The following NTM variants were observed in gnomAD, a reference collection of about 807,000 sequenced individuals.
NTM encodes the protein neurotrimin.
A neutral mutation model predicts 42.1 loss-of-function variants in NTM; 13 were observed. The observed-to-expected ratio is 0.31, with a 90% CI of 0.20 to 0.49. The LOEUF is 0.49. NTM is among the 20% of genes least tolerant of loss of function. The probability of loss-of-function intolerance (pLI) is 0.99; values close to 1 mark genes in which losing one functional copy is unlikely to be tolerated. For missense variants in NTM, 373 were observed against 452.8 expected (o/e 0.82, Z 1.60); for synonymous variants, 187 against 179.2 (o/e 1.04, Z -0.35).
chr11:132,140,168 A>G (rs1227868448), intron 2 of NTM, among the ~76,000 whole-genome samples: 3 of 152,186 alleles, frequency 2.0e-5, no homozygotes, highest in Admixed American at 6.5e-5. Flanking sequence ...GAGGGGCATC[A>G]GGAACAGAGC....
intron 1 of NTM, among the ~76,000 whole-genome samples, chr11:131,510,980 G>T (rs1410136101): frequency 6.6e-6 from 1 of 152,196 alleles, no homozygotes; most frequent in Non-Finnish European, 1.5e-5. Flanking sequence ...TCCTAACCTT[G>T]GTTCTGCCTC....
intron 1 of NTM, among the ~76,000 whole-genome samples, chr11:131,877,434 T>C (rs1407825581): frequency 6.6e-6 from 1 of 152,118 alleles, no homozygotes; most frequent in Admixed American, 6.5e-5. Context: ...TCAAAAGAAT[T>C]CTTAGGAAGA....
At chr11:132,320,820 T>C (rs2095547242) in intron 7 of NTM, among the ~76,000 whole-genome samples, 1 of 151,550 alleles carries the variant, frequency 6.6e-6, no homozygotes, top group African/African-American at 2.4e-5. Context: ...AGTACGCAGC[T>C]GGAGATCTGA....
intron 1 of NTM, among the ~76,000 whole-genome samples, chr11:131,518,976 T>C (rs2049244732): frequency 6.6e-6 from 1 of 152,246 alleles, no homozygotes; most frequent in Non-Finnish European, 1.5e-5. Context: ...TTTTCCTTTT[T>C]ATTTCTCTGC....
intron 1 of NTM, among the ~76,000 whole-genome samples, chr11:131,812,337 A>G (rs1198755093): frequency 6.6e-6 from 1 of 152,112 alleles, no homozygotes; most frequent in African/African-American, 2.4e-5. Context: ...GTATCCTTTC[A>G]GTAAATAGTG....
intron 1 of NTM, among the ~76,000 whole-genome samples, chr11:131,527,084 G>C (rs765782253): frequency 6.6e-6 from 1 of 152,186 alleles, no homozygotes; most frequent in African/African-American, 2.4e-5. Flanking sequence ...CACCCAGCCA[G>C]TGCATCAAAT....
intron 1 of NTM, among the ~76,000 whole-genome samples, chr11:131,457,089 G>T (rs950420634): frequency 6.6e-6 from 1 of 152,222 alleles, no homozygotes; most frequent in African/African-American, 2.4e-5. Flanking sequence ...TACTTTCTGT[G>T]CCAGGAGCTG....
intron 1 of NTM, among the ~76,000 whole-genome samples, chr11:131,790,693 C>A (rs1328091557): frequency 1.3e-5 from 2 of 152,128 alleles, no homozygotes; most frequent in Non-Finnish European, 2.9e-5. Context: ...TGGTCCTGGA[C>A]AAAAATACCC....
At chr11:131,957,201 G>C (rs186042986) in intron 2 of NTM, among the ~76,000 whole-genome samples, 1 of 152,142 alleles carries the variant, frequency 6.6e-6, no homozygotes, top group East Asian at 1.9e-4. Flanking sequence ...TCACAAAATT[G>C]TCCTGAGGAC....
At position 132,009,391 on chromosome 11, in the gene NTM, T is replaced by A. The variant is rs1278562535; in HGVS notation, c.167+97743T>A. The stretch of plus-strand genomic sequence containing the variant: ...GGAGAGCCTGTCAGATGGGTATGTA[T>A]GTGCCGATGTAAAGCCAGATTGAGC... On this transcript the variant is annotated intron_variant, in intron 2 of 8. Coordinates refer to ENST00000683400, the MANE Select transcript of NTM (RefSeq NM_001352005.2). Among the ~76,000 whole-genome samples the A allele has an allele frequency of 3.3e-5, 5 of 152,178 alleles. No homozygotes were observed. The East Asian group carries it at 9.6e-4, about 29-fold the overall frequency.
At chr11:131,454,283 A>G (rs1373126256) in intron 1 of NTM, among the ~76,000 whole-genome samples, 1 of 152,272 alleles carries the variant, frequency 6.6e-6, no homozygotes. Flanking sequence ...ATGTATAAGA[A>G]AAAACATATT....
At chr11:132,231,716 G>A (rs1454253868) in intron 4 of NTM, among the ~76,000 whole-genome samples, 1 of 152,152 alleles carries the variant, frequency 6.6e-6, no homozygotes, top group Non-Finnish European at 1.5e-5. Flanking sequence ...AGTGAATTTA[G>A]CTATGAGCTG....
intron 1 of NTM, among the ~76,000 whole-genome samples, chr11:131,768,397 C>T (rs1055341706): frequency 2.6e-5 from 4 of 152,100 alleles, no homozygotes; most frequent in Admixed American, 6.5e-5. Flanking sequence ...GGATTACAGG[C>T]GTGAGCCACT....
chr11:132,137,326 G>T (rs2068128229), intron 2 of NTM, among the ~76,000 whole-genome samples: 1 of 152,192 alleles, frequency 6.6e-6, no homozygotes, highest in South Asian at 2.1e-4. Context: ...CTTCTTCGCA[G>T]CTCCTTCCCT....
At chr11:131,816,241 G>A (rs2092946641) in intron 1 of NTM, among the ~76,000 whole-genome samples, 1 of 152,142 alleles carries the variant, frequency 6.6e-6, no homozygotes, top group Non-Finnish European at 1.5e-5. Context: ...CATCATGAAA[G>A]CATCTCAGAT....
intron 2 of NTM, among the ~76,000 whole-genome samples, chr11:132,028,282 G>A (rs2075455959): frequency 1.3e-5 from 2 of 149,462 alleles, no homozygotes; most frequent in Admixed American, 6.7e-5. Context: ...TATGCTGGTG[G>A]TACTTTTATC....
chr11:131,733,981 T>C (rs921886325), intron 1 of NTM, among the ~76,000 whole-genome samples: 1 of 152,236 alleles, frequency 6.6e-6, no homozygotes, highest in Non-Finnish European at 1.5e-5. Flanking sequence ...TTGTTCATAA[T>C]TTTTTGTCTA....
chr11:132,094,164 G>T (rs748420046), intron 2 of NTM, among the ~76,000 whole-genome samples: 1 of 152,176 alleles, frequency 6.6e-6, no homozygotes, highest in Non-Finnish European at 1.5e-5. Flanking sequence ...GTTTTATCTA[G>T]GTTATAGTTC....
At chr11:131,459,135 G>T (rs1031816452) in intron 1 of NTM, among the ~76,000 whole-genome samples, 1 of 152,206 alleles carries the variant, frequency 6.6e-6, no homozygotes, top group African/African-American at 2.4e-5. Flanking sequence ...TCCCACATGG[G>T]GGTGCAGACA....
Sources: allele counts gnomAD v4.1 joint callset (sites outside exome capture counted in the v4.1 genomes callset), GRCh38; gene constraint gnomAD v4.1.1; transcripts MANE v1.5; gene names NCBI Gene and HGNC (gene_info 2026-07-23, HGNC 2026-07-21).